CMSS1: variants seen among roughly 807,000 people sequenced by gnomAD.
CMSS1 encodes protein CMSS1.
In CMSS1, 33 loss-of-function variants were observed where a neutral mutation model predicts 43.5. The ratio of observed to expected loss-of-function variants is 0.76; its 90% CI spans 0.57 to 1.01. The LOEUF is 1.01. CMSS1 is among the 50% of genes least tolerant of loss of function. The pLI, the probability that CMSS1 is intolerant of heterozygous loss-of-function variation, is 0.00. For synonymous variants in CMSS1, 115 were observed against 117.2 expected, an observed-to-expected ratio of 0.98 and a Z score of 0.12; for missense variants, 313 against 326.4, an observed-to-expected ratio of 0.96 and a Z score of 0.32.
At chr3:99,913,838 C>G (rs915572479) in intron 1 of CMSS1, among the ~76,000 whole-genome samples, 6 of 152,164 alleles carry the variant, frequency 3.9e-5, no homozygotes, top group African/African-American at 1.4e-4. Context: ...TATTCAGTCT[C>G]ATGAATCTTG....
intron 2 of CMSS1, among the ~76,000 whole-genome samples, chr3:100,154,262 CATA>C (rs2066950386): frequency 6.6e-6 from 1 of 152,078 alleles, no homozygotes; most frequent in Non-Finnish European, 1.5e-5. Context: ...TTAATTGACA[CATA>C]ATAATTCTAC....
At chr3:99,884,588 G>A (rs952613372) in intron 1 of CMSS1, among the ~76,000 whole-genome samples, 1 of 152,096 alleles carries the variant, frequency 6.6e-6, no homozygotes, top group Non-Finnish European at 1.5e-5. Context: ...CCACTTTATG[G>A]GATTCTGTAG....
intron 1 of CMSS1, chr3:99,850,544 G>A (rs368700289): frequency 4.0e-5 from 64 of 1,613,312 alleles, no homozygotes; most frequent in Middle Eastern, 1.6e-4. Context: ...TCTAGCACAC[G>A]TTTCCTGAGC....
At chr3:100,077,278 A>G (rs536794730) in intron 1 of CMSS1, among the ~76,000 whole-genome samples, 15 of 152,236 alleles carry the variant, frequency 9.9e-5, no homozygotes, top group South Asian at 2.1e-4. Context: ...GCTCCCAATC[A>G]GTGATGCATG....
intron 1 of CMSS1, among the ~76,000 whole-genome samples, chr3:99,905,807 G>T (rs2107633020): frequency 6.6e-6 from 1 of 152,320 alleles, no homozygotes; most frequent in South Asian, 2.1e-4. Flanking sequence ...TAATGGAAAT[G>T]CAACTTCATA....
intron 1 of CMSS1, among the ~76,000 whole-genome samples, chr3:99,986,000 C>T (rs544847078): frequency 5.3e-5 from 8 of 152,272 alleles, no homozygotes; most frequent in African/African-American, 1.9e-4. Flanking sequence ...ACTAATAGGA[C>T]TTAATGAGAT....
chr3:100,175,667 G>T (rs1444366107), intron 8 of CMSS1, among the ~76,000 whole-genome samples: 1 of 152,170 alleles, frequency 6.6e-6, no homozygotes, highest in Non-Finnish European at 1.5e-5. Flanking sequence ...TAACACAAGA[G>T]ACGTGGAACA....
chr3:99,841,288 A>G (rs1413479371), intron 1 of CMSS1, among the ~76,000 whole-genome samples: 1 of 152,248 alleles, frequency 6.6e-6, no homozygotes, highest in African/African-American at 2.4e-5. Context: ...GTTTCTTTCA[A>G]ATATATCAAA....
At chr3:99,953,898 C>T (rs559103955) in intron 1 of CMSS1, among the ~76,000 whole-genome samples, 70 of 152,246 alleles carry the variant, frequency 4.6e-4, no homozygotes, top group Non-Finnish European at 7.1e-4. Flanking sequence ...CCAAGGCATA[C>T]CTCCCACACT....
intron 1 of CMSS1, among the ~76,000 whole-genome samples, chr3:100,007,725 G>A (rs1710028440): frequency 6.6e-6 from 1 of 151,984 alleles, no homozygotes; most frequent in South Asian, 2.1e-4. Flanking sequence ...AGGCAAAATG[G>A]GCCTTGTTGC....
intron 1 of CMSS1, chr3:99,849,054 C>T: frequency 6.2e-7 from 1 of 1,614,176 alleles, no homozygotes; most frequent in African/African-American, 1.3e-5. Flanking sequence ...TTTTTCCATT[C>T]TGAAGATGGC....
rs532627565 is a variant in CMSS1 at position 100,120,486 on chromosome 3, T to G, written c.65-26487T>G. 5.3e-5 allele frequency among the ~76,000 whole-genome samples: 8 copies of G among 152,324 alleles called. No homozygotes were observed. In the South Asian group the frequency reaches 1.5e-3, roughly 28 times the overall value. On this transcript the variant is annotated intron_variant, in intron 1 of 9. Transcript: ENST00000421999. Reference sequence around the variant, plus strand: ...AGTCTTTCTCCCCTCTCAGCCTTCCTTCTGTCTAAAAATGTTATTTCATTC... The same window carrying G: ...AGTCTTTCTCCCCTCTCAGCCTTCCGTCTGTCTAAAAATGTTATTTCATTC...
chr3:100,036,429 A>G (rs1474472423), intron 1 of CMSS1, among the ~76,000 whole-genome samples: 1 of 152,218 alleles, frequency 6.6e-6, no homozygotes, highest in African/African-American at 2.4e-5. Flanking sequence ...CCACTGGCCT[A>G]ATCTGAAACA....
At chr3:100,115,325 A>G (rs1178595479) in intron 1 of CMSS1, among the ~76,000 whole-genome samples, 1 of 152,198 alleles carries the variant, frequency 6.6e-6, no homozygotes, top group East Asian at 1.9e-4. Context: ...AAAGATCAGA[A>G]TAATTTAATA....
rs779863867 is a variant in CMSS1 at position 99,848,976 on chromosome 3, C to G, written c.64+30933C>G. On this transcript the variant is annotated intron_variant, in intron 1 of 9. Transcript: ENST00000421999. Reference sequence around the variant, plus strand: ...CTGGAGTAACCTTTATATGAAGTGGCTGCCCAGGTGTGTGGCTTAGGACTA... The same window carrying G: ...CTGGAGTAACCTTTATATGAAGTGGGTGCCCAGGTGTGTGGCTTAGGACTA... 24 of 1,613,914 alleles carry G rather than the reference C, an allele frequency of 1.5e-5. No homozygotes were observed. The highest frequency in any genetic ancestry group is 4.0e-5 in the African/African-American group (3 of 74,906).
At chr3:100,068,372 GTGT>G (rs2065702863) in intron 1 of CMSS1, among the ~76,000 whole-genome samples, 1 of 152,076 alleles carries the variant, frequency 6.6e-6, no homozygotes, top group Non-Finnish European at 1.5e-5. Flanking sequence ...GTGTGTGTGT[GTGT>G]GTGTGTGTCA....
intron 1 of CMSS1, among the ~76,000 whole-genome samples, chr3:100,000,980 C>G (rs578018120): frequency 6.6e-6 from 1 of 152,134 alleles, no homozygotes; most frequent in African/African-American, 2.4e-5. Context: ...TATAAGATAA[C>G]CTAGTTACTG....
intron 1 of CMSS1, among the ~76,000 whole-genome samples, chr3:99,893,267 G>A (rs918207446): frequency 3.4e-5 from 5 of 148,618 alleles, no homozygotes; most frequent in African/African-American, 1.2e-4. Flanking sequence ...CCGGGTTCAC[G>A]CCATTCTCCT....
rs541953401 is a variant in CMSS1 at position 99,843,937 on chromosome 3, C to T, written c.64+25894C>T. On this transcript the variant is annotated intron_variant, in intron 1 of 9. Coordinates refer to ENST00000421999, the MANE Select transcript of CMSS1 (RefSeq NM_032359.4). ...TCTAGGCTGAGCACTCTTTATGAGA[C>T]TCTAGCTAATGCCTAATGATCTGAG... 6.6e-5 allele frequency among the ~76,000 whole-genome samples: 10 copies of T among 152,312 alleles called. No individual in the cohort carries two copies. In the South Asian group the frequency reaches 1.7e-3, roughly 25 times the overall value.
Sources: gnomAD v4.1 joint callset for allele counts (sites outside exome capture counted in the v4.1 genomes callset) on GRCh38, gnomAD v4.1.1 for gene constraint, MANE v1.5 for transcripts, NCBI Gene and HGNC (gene_info 2026-07-23, HGNC 2026-07-21) for gene names.